The following GTPBP10 variants were observed in gnomAD, a reference collection of about 807,000 sequenced individuals.
The protein encoded by GTPBP10 is GTP binding protein 10.
In GTPBP10, 38 loss-of-function variants were observed where a neutral mutation model predicts 44.8. The observed-to-expected ratio is 0.85, with a 90% CI of 0.65 to 1.11. The LOEUF is 1.11. Ranked by LOEUF, GTPBP10 falls within the 50% of genes most tolerant of loss-of-function variation. The pLI is 0.00. For missense variants in GTPBP10, 462 were observed against 453.7 expected (o/e 1.02, Z -0.17); for synonymous variants, 152 against 150.6 (o/e 1.01, Z -0.07).
chr7:90,357,385 A>G (rs1460173788), intron 4 of GTPBP10, among the ~76,000 whole-genome samples: 4 of 152,328 alleles, frequency 2.6e-5, no homozygotes, highest in South Asian at 2.1e-4. Flanking sequence ...TTCAAAAGCT[A>G]TAAGAACCTG....
chr7:90,373,663 CTGAA>C (rs113765917), intron 5 of GTPBP10, among the ~76,000 whole-genome samples: 2,053 of 152,158 alleles, frequency 0.013, 52 homozygotes, highest in African/African-American at 0.045. Context: ...TAGAGGATAA[CTGAA>C]TGAGAAGGAA....
intron 1 of GTPBP10, among the ~76,000 whole-genome samples, chr7:90,351,700 G>C (rs1455585294): frequency 6.6e-6 from 1 of 151,576 alleles, no homozygotes; most frequent in Non-Finnish European, 1.5e-5. Context: ...TATTTCATAA[G>C]CATTTTTTTT....
chr7:90,375,552 G>A (rs1796330905), intron 6 of GTPBP10, among the ~76,000 whole-genome samples: 1 of 152,086 alleles, frequency 6.6e-6, no homozygotes, highest in Non-Finnish European at 1.5e-5. Flanking sequence ...AATATAGAAT[G>A]TTAACTGTAA....
At chr7:90,381,203 CTT>C (rs1408067943) in intron 8 of GTPBP10, among the ~76,000 whole-genome samples, 1 of 152,140 alleles carries the variant, frequency 6.6e-6, no homozygotes, top group Non-Finnish European at 1.5e-5. Context: ...TTTGAGAAAT[CTT>C]TATACTGCTT....
intron 6 of GTPBP10, among the ~76,000 whole-genome samples, 199 bp downstream of exon 6, chr7:90,374,553 A>G (rs1348902470): frequency 6.6e-6 from 1 of 152,204 alleles, no homozygotes; most frequent in African/African-American, 2.4e-5. Context: ...TCCAAAGATT[A>G]GGTCCAGTTT....
intron 4 of GTPBP10, among the ~76,000 whole-genome samples, chr7:90,365,627 C>T (rs113903435): frequency 3.9e-5 from 6 of 152,206 alleles, no homozygotes; most frequent in Middle Eastern, 3.4e-3. Flanking sequence ...CCGCCCACCT[C>T]GGCCTCCCAA....
In GTPBP10 at chr7:90,385,177, G is replaced by C. The variant is rs373738415; in HGVS notation, c.*23G>C. 8.5e-5 allele frequency: 129 copies of C among 1,516,400 alleles called. No homozygotes were observed. The highest frequency in any genetic ancestry group is 1.1e-4 in the Non-Finnish European group (120 of 1,112,696). 93.9% of individuals were successfully genotyped at this position (1,516,400 alleles called of 1,614,324 possible). ...TAAATATATTAAAAATGGTATTGAT[G>C]GAACAGTATTTAATGCTTAAAAACA... On this transcript the variant is annotated 3_prime_UTR_variant, in exon 10 of 10. Transcript: ENST00000222511.
chr7:90,353,526 A>G (rs1180957982), intron 2 of GTPBP10, among the ~76,000 whole-genome samples: 1 of 152,202 alleles, frequency 6.6e-6, no homozygotes, highest in Non-Finnish European at 1.5e-5. Context: ...AAAATTATTC[A>G]GAATACCTGC....
intron 6 of GTPBP10, among the ~76,000 whole-genome samples, chr7:90,377,163 A>G (rs935798746): frequency 3.3e-5 from 5 of 152,116 alleles, no homozygotes; most frequent in African/African-American, 4.8e-5. Context: ...GTTTGAGGCT[A>G]CAGTGATCTA....
At chr7:90,382,297 G>A (rs559951873) in intron 8 of GTPBP10, among the ~76,000 whole-genome samples, 1 of 151,940 alleles carries the variant, frequency 6.6e-6, no homozygotes, top group Non-Finnish European at 1.5e-5. Flanking sequence ...CTAAAATTTT[G>A]TATAGAGATG....
chr7:90,378,080 GTATAGC>G, intron 7 of GTPBP10, 48 bp from the exon 8 acceptor site: 2 of 1,537,842 alleles, frequency 1.3e-6, no homozygotes, highest in South Asian at 1.2e-5. Context: ...ACATAGAAAT[GTATAGC>G]TATTCTTCGT....
At position 90,372,137 on chromosome 7, in the gene GTPBP10, T is replaced by G. The variant is rs200885252; in HGVS notation, c.465-18T>G. 2.0e-6 allele frequency: 3 copies of G among 1,523,476 alleles called. No individual in the cohort carries two copies. The highest frequency in any genetic ancestry group is 2.7e-6 in the Non-Finnish European group (3 of 1,102,746). The allele number at this position is 1,523,476 out of a possible 1,614,324, so 94.4% of individuals were successfully genotyped here. ...AATAATATTGACATTTGTGTATAAT[T>G]TTATATTCTTGTTTCAGATTCCCAA... is the stretch of plus-strand genomic sequence containing the variant. On this transcript the variant is annotated intron_variant, in intron 4 of 9. Transcript: ENST00000222511.
At chr7:90,382,534 C>T (rs761022480) in intron 8 of GTPBP10, among the ~76,000 whole-genome samples, 1 of 152,178 alleles carries the variant, frequency 6.6e-6, no homozygotes, top group African/African-American at 2.4e-5. Context: ...AAGCAGTCTT[C>T]TGCCTTTTAT....
chr7:90,383,029 A>T lies in GTPBP10; in HGVS notation c.851A>T (p.Asp284Val). Reference sequence around the variant, plus strand: ...GCAGTTAATAAAATGGACTTGCCAGATGCCCAAGATAAGTTCCATGAATTG... The same window carrying T: ...GCAGTTAATAAAATGGACTTGCCAGTTGCCCAAGATAAGTTCCATGAATTG... Reference protein sequence around the residue: ...LLAVNKMDLPDAQDKFHELMS... With the variant: ...LLAVNKMDLPVAQDKFHELMS... The change falls in exon 9 of 10, where the codon GAT (aspartate) becomes GTT (valine). Residue 284 changes from aspartate (D) to valine (V), a missense_variant. Physicochemically the swap from Asp to Val is radical, Grantham distance 152. Transcript: ENST00000222511. The T allele has an allele frequency of 1.3e-6, 2 of 1,598,334 alleles. No homozygotes were observed. Among genetic ancestry groups the T allele is most frequent in the South Asian group, 2.3e-5 (2 of 87,880 alleles).
intron 4 of GTPBP10, chr7:90,371,116 G>A: frequency 1.6e-6 from 1 of 639,144 alleles, no homozygotes; most frequent in South Asian, 7.2e-5. Context: ...TCATTGCATT[G>A]TTTAAAGTTA....
chr7:90,356,277 G>A (rs1321702404), intron 4 of GTPBP10, among the ~76,000 whole-genome samples: 1 of 152,160 alleles, frequency 6.6e-6, no homozygotes, highest in Admixed American at 6.5e-5. Flanking sequence ...AAGGAAAGAT[G>A]TGATCCTGGC....
At chr7:90,347,457 ACT>A (rs758430995) in intron 1 of GTPBP10, 28 of 190,122 alleles carry the variant, frequency 1.5e-4, no homozygotes, top group Non-Finnish European at 2.5e-4. Flanking sequence ...AACTGTAGAA[ACT>A]CTCCTCGAGT....
Position 90,387,363 on chromosome 7 carries a change from A to G in GTPBP10, c.*2209A>G, listed in dbSNP as rs372783073. On this transcript the variant is annotated 3_prime_UTR_variant, in exon 10 of 10. Coordinates refer to ENST00000222511, the MANE Select transcript of GTPBP10 (RefSeq NM_033107.4). The stretch of plus-strand genomic sequence containing the variant: ...AAAAACAAAATATTGTACTTCAAAA[A>G]ATTATTCTTCAATGCTATTTTTAAA... 15 of 152,130 alleles carry G rather than the reference A, an allele frequency of 9.9e-5. No homozygotes were observed. Among genetic ancestry groups the G allele is most frequent in the Non-Finnish European group, 1.6e-4 (11 of 68,008 alleles). The allele number at this position is 152,130 out of a possible 1,614,324, so 9.4% of individuals were successfully genotyped here.
intron 1 of GTPBP10, chr7:90,347,666 A>G (rs1795704610): frequency 6.1e-6 from 1 of 162,668 alleles, no homozygotes; most frequent in Non-Finnish European, 1.3e-5. Context: ...TGAAGGAAAC[A>G]GGTAAACACT....
Sources: allele counts gnomAD v4.1 joint callset (sites outside exome capture counted in the v4.1 genomes callset), GRCh38; gene constraint gnomAD v4.1.1; transcripts MANE v1.5; gene names NCBI Gene and HGNC (gene_info 2026-07-23, HGNC 2026-07-21).